Variants in CDC42BPA observed in about 807,000 individuals in gnomAD.
CDC42BPA encodes serine/threonine-protein kinase MRCK alpha.
In CDC42BPA, 80 loss-of-function variants were observed where a neutral mutation model predicts 223.5. The observed-to-expected ratio is 0.36, with a 90% CI of 0.30 to 0.43. The LOEUF (loss-of-function observed/expected upper bound fraction) is 0.43, where lower values mean the gene tolerates loss of function less well. Ranked by LOEUF, CDC42BPA falls within the 20% of genes least tolerant of loss-of-function variation. The pLI is 1.00. For synonymous variants in CDC42BPA, 694 were observed against 718.6 expected, an observed-to-expected ratio of 0.97 and a Z score of 0.55; for missense variants, 1,743 against 2,099.9, an observed-to-expected ratio of 0.83 and a Z score of 3.32.
intron 11 of CDC42BPA, among the ~76,000 whole-genome samples, chr1:227,121,802 C>CTTTTTTTT: frequency 7.5e-6 from 1 of 134,130 alleles, no homozygotes; most frequent in Non-Finnish European, 1.6e-5. Context: ...TCTTTTTTTT[C>CTTTTTTTT]TTTTTTTTTT....
chr1:227,083,905 T>A (rs964168145), intron 16 of CDC42BPA, among the ~76,000 whole-genome samples: 3 of 152,212 alleles, frequency 2.0e-5, no homozygotes, highest in African/African-American at 7.2e-5. Context: ...CATTTTTCTC[T>A]CTCCAGCCTT....
intron 34 of CDC42BPA, among the ~76,000 whole-genome samples, chr1:227,006,378 T>G (rs1020479032): frequency 6.6e-6 from 1 of 152,116 alleles, no homozygotes; most frequent in African/African-American, 2.4e-5. Flanking sequence ...ATGGAGGGAT[T>G]TGGCCCACTA....
At chr1:227,049,448 G>A (rs1224752104) in intron 22 of CDC42BPA, among the ~76,000 whole-genome samples, 1 of 152,060 alleles carries the variant, frequency 6.6e-6, no homozygotes, top group East Asian at 1.9e-4. Context: ...TGTATACCAT[G>A]TTCATAGATG....
chr1:227,153,638 A>C (rs1333604495), intron 6 of CDC42BPA, among the ~76,000 whole-genome samples: 2 of 151,976 alleles, frequency 1.3e-5, no homozygotes, highest in African/African-American at 4.8e-5. Context: ...GAAAACTCAG[A>C]GAAAATGGAC....
intron 35 of CDC42BPA, 79 bp downstream of exon 35, chr1:227,004,915 T>C (rs771193383): frequency 3.2e-6 from 3 of 941,620 alleles, no homozygotes; most frequent in Admixed American, 1.7e-5. Context: ...GTGAAGGACA[T>C]GTCACCCACG....
At chr1:227,196,975 GA>G (rs993434809) in intron 4 of CDC42BPA, among the ~76,000 whole-genome samples, 1 of 151,780 alleles carries the variant, frequency 6.6e-6, no homozygotes, top group African/African-American at 2.4e-5. Context: ...TTTTCTTAAA[GA>G]AAAAAAGATC....
At chr1:227,009,480 C>T (rs1358205680) in intron 34 of CDC42BPA, among the ~76,000 whole-genome samples, 1 of 152,212 alleles carries the variant, frequency 6.6e-6, no homozygotes, top group African/African-American at 2.4e-5. Flanking sequence ...GCAATCACGG[C>T]TCTCTGCAAC....
chr1:227,011,095 C>A, intron 34 of CDC42BPA: 3 of 1,220,962 alleles, frequency 2.5e-6, no homozygotes, highest in Non-Finnish European at 1.1e-6. Context: ...TGAAAAAAGG[C>A]AATAAGGTGA....
intron 33 of CDC42BPA, among the ~76,000 whole-genome samples, 189 bp downstream of exon 33, chr1:227,016,738 A>G (rs964761935): frequency 1.3e-5 from 2 of 152,196 alleles, no homozygotes; most frequent in Non-Finnish European, 2.9e-5. Flanking sequence ...TCCAGTGCAT[A>G]CTCACAATTT....
intron 2 of CDC42BPA, among the ~76,000 whole-genome samples, chr1:227,217,382 G>A (rs966052064): frequency 2.6e-5 from 4 of 151,774 alleles, no homozygotes; most frequent in Non-Finnish European, 5.9e-5. Context: ...GGGAGACGGA[G>A]GTGTGGTGAG....
intron 2 of CDC42BPA, among the ~76,000 whole-genome samples, chr1:227,241,175 C>T (rs905841820): frequency 1.3e-5 from 2 of 152,020 alleles, no homozygotes; most frequent in African/African-American, 4.8e-5. Context: ...AATACCACTA[C>T]ATACCCACTA....
intron 1 of CDC42BPA, among the ~76,000 whole-genome samples, chr1:227,284,614 C>T (rs745359774): frequency 1.4e-4 from 21 of 152,142 alleles, no homozygotes; most frequent in Non-Finnish European, 2.6e-4. Context: ...TTCAGAGCAA[C>T]ATTTGATTGC....
In CDC42BPA at chr1:227,016,212, A is replaced by T; in HGVS notation, c.4740-15T>A. ...GTAGCATTTCCCTGTAAGACAAGGCATCTGTTTAGATACTTTTTCCACAGT... is the reference window on the plus strand; with the variant it reads ...GTAGCATTTCCCTGTAAGACAAGGCTTCTGTTTAGATACTTTTTCCACAGT... On this transcript the variant is annotated splice_polypyrimidine_tract_variant and intron_variant, in intron 33 of 36. Transcript: ENST00000366766. 7.8e-7 allele frequency: 1 copy of T among 1,288,282 alleles called. No homozygotes were observed. The highest frequency in any genetic ancestry group is 1.1e-6 in the Non-Finnish European group (1 of 884,804). 79.8% of individuals were successfully genotyped at this position (1,288,282 alleles called of 1,614,324 possible).
At chr1:227,173,426 A>G (rs1026964547) in intron 5 of CDC42BPA, among the ~76,000 whole-genome samples, 2 of 152,304 alleles carry the variant, frequency 1.3e-5, no homozygotes, top group Middle Eastern at 3.4e-3. Flanking sequence ...CTACTAGACA[A>G]TCTACCAATG....
In CDC42BPA at chr1:227,016,098, G is replaced by A. The variant is rs1282879393; in HGVS notation, c.4839C>T (p.Ile1613=). 2 of 1,585,726 alleles carry A rather than the reference G, an allele frequency of 1.3e-6. No individual in the cohort carries two copies. The highest frequency in any genetic ancestry group is 8.7e-7 in the Non-Finnish European group (1 of 1,154,776). ...CTCTTACCATGGGCAGATCTTTCAG[G>A]ATCTGTATTCCATCTCCAGGACCCA... ...AHMGPGDGIQ[I]LKDLPMNPRP... The change falls in exon 34 of 37, where the codon ATC becomes ATT. Residue 1613 remains isoleucine (I), a synonymous_variant. Coordinates refer to ENST00000366766, the MANE Select transcript of CDC42BPA (RefSeq NM_001394014.1).
chr1:227,094,694 C>T (rs1408985033), intron 15 of CDC42BPA, among the ~76,000 whole-genome samples: 2 of 152,206 alleles, frequency 1.3e-5, no homozygotes, highest in Non-Finnish European at 2.9e-5. Flanking sequence ...ATCAAATGCA[C>T]ATACTCATCT....
chr1:227,075,950 T>C (rs1161927368), intron 17 of CDC42BPA, among the ~76,000 whole-genome samples: 12 of 152,334 alleles, frequency 7.9e-5, no homozygotes, highest in Admixed American at 7.2e-4. Flanking sequence ...GAATTTTATA[T>C]GACAATCTCT....
At chr1:227,077,710 C>T (rs1679788566) in intron 17 of CDC42BPA, among the ~76,000 whole-genome samples, 1 of 152,076 alleles carries the variant, frequency 6.6e-6, no homozygotes, top group South Asian at 2.1e-4. Flanking sequence ...TCAGTCTTAC[C>T]AACAAACAAA....
At chr1:227,011,865 TTA>T (rs766099936) in intron 34 of CDC42BPA, among the ~76,000 whole-genome samples, 9 of 152,204 alleles carry the variant, frequency 5.9e-5, no homozygotes, top group Non-Finnish European at 1.2e-4. Context: ...TGAAGAACAG[TTA>T]TGTTTCCAGA....
Sources: gnomAD v4.1 joint callset for allele counts (sites outside exome capture counted in the v4.1 genomes callset) on GRCh38, gnomAD v4.1.1 for gene constraint, MANE v1.5 for transcripts, NCBI Gene and HGNC (gene_info 2026-07-23, HGNC 2026-07-21) for gene names.